The following CELF2 variants were observed in gnomAD, a reference collection of about 807,000 sequenced individuals.
The protein encoded by CELF2 is CUG triplet repeat RNA-binding protein 2.
CELF2 carries 8 observed loss-of-function variants against 62.6 expected under a neutral mutation model. The observed-to-expected ratio is 0.13, with a 90% CI of 0.07 to 0.23. The LOEUF (loss-of-function observed/expected upper bound fraction) is 0.23, where lower values mean the gene tolerates loss of function less well. CELF2 is among the 10% of genes least tolerant of loss of function. The pLI is 1.00. For missense variants in CELF2, 333 were observed against 671.0 expected, an observed-to-expected ratio of 0.50 and a Z score of 5.56; for synonymous variants, 258 against 250.0, an observed-to-expected ratio of 1.03 and a Z score of -0.30.
chr10:10,726,896 C>G, the CELF2 span, among the ~76,000 whole-genome samples: 3 of 152,156 alleles, frequency 2.0e-5, no homozygotes, highest in African/African-American at 7.2e-5. Context: ...GCAGGCTGTA[C>G]AGAAAGCGTG....
intron 5 of CELF2, among the ~76,000 whole-genome samples, chr10:11,261,676 C>T (rs1398022168): frequency 6.6e-6 from 1 of 152,170 alleles, no homozygotes; most frequent in African/African-American, 2.4e-5. Flanking sequence ...ACCCATTCTG[C>T]CATCTTCTCT....
rs1320333600 is a variant in CELF2, at chr10:11,246,140, G to A, written c.355-3013G>A. 1.3e-5 allele frequency among the ~76,000 whole-genome samples: 2 copies of A among 152,096 alleles called. No individual in the cohort carries two copies. Among genetic ancestry groups the A allele is most frequent in the Non-Finnish European group, 2.9e-5 (2 of 68,030 alleles). On this transcript the variant is annotated intron_variant, in intron 3 of 12. Coordinates refer to ENST00000633077, the MANE Select transcript of CELF2 (RefSeq NM_001326342.2). The surrounding 1 kb of genome is among the most constrained non-coding windows in gnomAD (Gnocchi z 4.6). ...TCACAGATGCATCTGAATGCTCACA[G>A]TGCTCTATTTGTGCTCTTCTGTTTG... is the stretch of plus-strand genomic sequence containing the variant.
intron 1 of CELF2, among the ~76,000 whole-genome samples, chr10:10,901,374 C>T (rs1337059334): frequency 6.6e-6 from 1 of 152,248 alleles, no homozygotes. Context: ...AGAGACCTTA[C>T]ATATCTGGAA....
At chr10:11,205,750 C>G (rs1351004277) in intron 2 of CELF2, among the ~76,000 whole-genome samples, 1 of 152,300 alleles carries the variant, frequency 6.6e-6, no homozygotes, top group South Asian at 2.1e-4. Context: ...TTCCGCTGTT[C>G]CAGGCAGTAT....
At chr10:11,216,724 C>T (rs942353365) in intron 2 of CELF2, among the ~76,000 whole-genome samples, 1 of 152,172 alleles carries the variant, frequency 6.6e-6, no homozygotes, top group Admixed American at 6.5e-5. Context: ...CCCACAGGCT[C>T]TTTGGAAAGG....
chr10:10,474,585 A>G, the CELF2 span, among the ~76,000 whole-genome samples: 6 of 152,204 alleles, frequency 3.9e-5, no homozygotes, highest in South Asian at 2.1e-4. Flanking sequence ...TTTGAATTCA[A>G]TATAATTTTT....
At chr10:10,737,561 G>A in the CELF2 span, among the ~76,000 whole-genome samples, 18 of 152,000 alleles carry the variant, frequency 1.2e-4, no homozygotes, top group African/African-American at 1.5e-4. Context: ...ATACATTTGC[G>A]AAGTCATTTG....
the CELF2 span, among the ~76,000 whole-genome samples, chr10:10,590,412 A>C: frequency 6.6e-6 from 1 of 152,208 alleles, no homozygotes; most frequent in South Asian, 2.1e-4. Context: ...GAACCAGAAC[A>C]ATTCACAAAC....
At chr10:10,555,877 C>T in the CELF2 span, among the ~76,000 whole-genome samples, 1 of 152,266 alleles carries the variant, frequency 6.6e-6, no homozygotes, top group East Asian at 1.9e-4. Context: ...TGCCCAGGCC[C>T]TAATTGTTTC....
Position 11,280,402 on chromosome 10 carries a change from C to T in CELF2, c.841+5282C>T, listed in dbSNP as rs376731934. Among the ~76,000 whole-genome samples, 4 of 152,320 alleles carry T rather than the reference C, an allele frequency of 2.6e-5. No individual in the cohort carries two copies. In the East Asian group the frequency reaches 5.8e-4, roughly 22 times the overall value. Reference sequence around the variant, plus strand: ...CCCTGGCTGGTGTCCGCACATCAGGCCAGTGCCTTTCCCCAAAACCGTTTC... The same window carrying T: ...CCCTGGCTGGTGTCCGCACATCAGGTCAGTGCCTTTCCCCAAAACCGTTTC... On this transcript the variant is annotated intron_variant, in intron 8 of 12. Transcript: ENST00000633077. This position sits in a 1 kb window ranked among gnomAD's most constrained non-coding sequence, Gnocchi z 7.6.
the CELF2 span, among the ~76,000 whole-genome samples, chr10:10,617,694 C>A: frequency 7.3e-6 from 1 of 137,838 alleles, no homozygotes; most frequent in Non-Finnish European, 1.6e-5. Flanking sequence ...CTCTAAAGGG[C>A]CTTAGGCTTT....
chr10:10,627,372 C>T, the CELF2 span, among the ~76,000 whole-genome samples: 1 of 152,178 alleles, frequency 6.6e-6, no homozygotes, highest in African/African-American at 2.4e-5. Flanking sequence ...ATTAAACATG[C>T]AAATGGTCTC....
Position 11,165,359 on chromosome 10 carries a change from AT to A in CELF2, c.75-125del. The A allele has an allele frequency of 6.7e-7, 1 of 1,500,478 alleles. No individual in the cohort carries two copies. The highest frequency in any genetic ancestry group is 8.9e-7 in the Non-Finnish European group (1 of 1,129,578). The allele number at this position is 1,500,478 out of a possible 1,614,324, so 92.9% of individuals were successfully genotyped here. A position where few individuals can be genotyped will look rare whatever the true frequency, so the allele number is the denominator to read the frequency against. On this transcript the variant is annotated intron_variant, in intron 1 of 12. Transcript: ENST00000633077. This position sits in a 1 kb window ranked among gnomAD's most constrained non-coding sequence, Gnocchi z 7.4. Reference sequence around the variant, plus strand: ...TTAGTTCATCAAATTTCTACGACTCATTAGGCACTTTGCCACTGCTCTTCTT... The same window carrying A: ...TTAGTTCATCAAATTTCTACGACTCATAGGCACTTTGCCACTGCTCTTCTT...
At chr10:10,599,506 C>G in the CELF2 span, among the ~76,000 whole-genome samples, 1 of 152,008 alleles carries the variant, frequency 6.6e-6, no homozygotes, top group African/African-American at 2.4e-5. Flanking sequence ...CAGTTGATAG[C>G]ATAAAATGTG....
the CELF2 span, among the ~76,000 whole-genome samples, chr10:10,633,156 C>A: frequency 6.6e-6 from 1 of 152,088 alleles, no homozygotes; most frequent in Non-Finnish European, 1.5e-5. Flanking sequence ...ATGCTTAGAC[C>A]TAACTCATTT....
At chr10:11,143,454 G>A (rs965536979) in intron 1 of CELF2, among the ~76,000 whole-genome samples, 12 of 152,232 alleles carry the variant, frequency 7.9e-5, no homozygotes, top group African/African-American at 1.4e-4. Flanking sequence ...TTCAAGTTCC[G>A]GTTTTGTCTG....
the CELF2 span, among the ~76,000 whole-genome samples, chr10:10,530,069 T>C: frequency 6.6e-6 from 1 of 152,094 alleles, no homozygotes; most frequent in African/African-American, 2.4e-5. Flanking sequence ...AGGAAAGGGG[T>C]TCCGATCCAG....
At chr10:11,197,052 A>AGAAGAGAGAAG (rs1565233002) in intron 2 of CELF2, among the ~76,000 whole-genome samples, 8,868 of 31,546 alleles carry the variant, frequency 0.28, 3,396 homozygotes, top group Non-Finnish European at 0.42. Flanking sequence ...AAAGAAAGAA[A>AGAAGAGAGAAG]GAAAGAAAAG....
rs190387842 is a variant in CELF2 at position 10,891,096 on chromosome 10, A to G, written c.54-28868A>G. Among the ~76,000 whole-genome samples, 62 of 152,292 alleles carry G rather than the reference A, an allele frequency of 4.1e-4. 1 individual carries two copies. The highest frequency in any genetic ancestry group is 4.1e-3 in the Admixed American group (62 of 15,292). On this transcript the variant is annotated intron_variant, in intron 1 of 13. Transcript: ENST00000636488. ...CTGAATATTCAGTGGAGTTTTTTTC[A>G]TATGTTTAAAGTTATTTCCAGACGA...
Sources: allele counts gnomAD v4.1 joint callset (sites outside exome capture counted in the v4.1 genomes callset), GRCh38; gene constraint gnomAD v4.1.1; non-coding constraint Gnocchi (gnomAD v3.1); transcripts MANE v1.5; gene names NCBI Gene and HGNC (gene_info 2026-07-23, HGNC 2026-07-21).